The following ATP2B1 variants were observed in gnomAD, a reference collection of about 807,000 sequenced individuals.
ATP2B1 encodes ATPase plasma membrane Ca2+ transporting 1.
A neutral mutation model predicts 124.2 loss-of-function variants in ATP2B1; 14 were observed. The observed-to-expected ratio is 0.11, with a 90% CI of 0.07 to 0.18. The LOEUF is 0.18. ATP2B1 is among the 10% of genes least tolerant of loss of function. ATP2B1 has a pLI of 1.00. For synonymous variants in ATP2B1, 449 were observed against 492.4 expected (o/e 0.91, Z 1.17); for missense variants, 763 against 1,466.1 (o/e 0.52, Z 7.83).
intron 1 of ATP2B1, among the ~76,000 whole-genome samples, chr12:89,671,697 G>A (rs1246405559): frequency 1.3e-5 from 2 of 151,468 alleles, no homozygotes; most frequent in Non-Finnish European, 2.9e-5. Context: ...TAATTATAAC[G>A]TGGTTTCCCA....
In ATP2B1 at chr12:89,685,898, G is replaced by A. The variant is rs149890573; in HGVS notation, c.-222+22698C>T. On this transcript the variant is annotated intron_variant, in intron 1 of 20. Transcript: ENST00000428670. ...AGGCCATATGAGGACACAGCAAGAAGAAGGCCATCAGCAAGCCAAGGAGAG... is the reference window on the plus strand; with the variant it reads ...AGGCCATATGAGGACACAGCAAGAAAAAGGCCATCAGCAAGCCAAGGAGAG... Among the ~76,000 whole-genome samples, 636 of 152,178 alleles carry A rather than the reference G, an allele frequency of 4.2e-3. 5 individuals are homozygous for A. Among genetic ancestry groups the A allele is most frequent in the Admixed American group, 9.1e-3 (139 of 15,246 alleles).
At chr12:89,592,848 T>C (rs1352942695) in intron 20 of ATP2B1, among the ~76,000 whole-genome samples, 5 of 152,052 alleles carry the variant, frequency 3.3e-5, no homozygotes, top group African/African-American at 4.8e-5. Context: ...TTGGGGATCT[T>C]GTTAAAATGC....
At chr12:89,702,543 T>TA (rs1465303860) in intron 1 of ATP2B1, among the ~76,000 whole-genome samples, 1 of 152,168 alleles carries the variant, frequency 6.6e-6, no homozygotes, top group Non-Finnish European at 1.5e-5. Context: ...ACATTGTTAA[T>TA]AAAAAAGTAT....
chr12:89,593,352 T>C (rs182829047), intron 20 of ATP2B1: 2 of 152,068 alleles, frequency 1.3e-5, no homozygotes, highest in African/African-American at 4.8e-5. Flanking sequence ...AATTAGAGGA[T>C]CAGCCAGCAA....
intron 9 of ATP2B1, among the ~76,000 whole-genome samples, chr12:89,623,083 T>C (rs1880274246): frequency 1.3e-5 from 2 of 152,166 alleles, no homozygotes; most frequent in African/African-American, 2.4e-5. Context: ...TACTTTATTT[T>C]TGAAATGAAA....
intron 19 of ATP2B1, 52 bp from the exon 20 acceptor site, chr12:89,599,351 G>T: frequency 6.4e-7 from 1 of 1,572,522 alleles, no homozygotes; most frequent in South Asian, 1.2e-5. Flanking sequence ...GTAAAGGTAA[G>T]CTGATCAACT....
At chr12:89,661,733 ATTGTGTGTTTTTTTCT>A (rs1886716095) in intron 1 of ATP2B1, among the ~76,000 whole-genome samples, 1 of 152,196 alleles carries the variant, frequency 6.6e-6, no homozygotes, top group Admixed American at 6.5e-5. Flanking sequence ...CTCCATTTTC[ATTGTGTGTTTTTTTCT>A]TTGTGTGTGT....
At chr12:89,645,605 C>G (rs1884323705) in intron 2 of ATP2B1, among the ~76,000 whole-genome samples, 1 of 152,190 alleles carries the variant, frequency 6.6e-6, no homozygotes, top group African/African-American at 2.4e-5. Flanking sequence ...GGTGAGAAGA[C>G]TTTCGAGCAG....
chr12:89,621,800 A>G lies in ATP2B1; in HGVS notation c.1345-9T>C, dbSNP rs777413128. On this transcript the variant is annotated splice_polypyrimidine_tract_variant and intron_variant, in intron 9 of 20. Coordinates refer to ENST00000428670, the MANE Select transcript of ATP2B1 (RefSeq NM_001366521.1). ...TTATCTTTCATCATTTTCTACAGTG[A>G]CCAAAAAAAAAAAACTAGTTAAGCT... is the stretch of plus-strand genomic sequence containing the variant. 1 of 1,354,476 alleles carries G rather than the reference A, an allele frequency of 7.4e-7. No individual in the cohort carries two copies. The highest frequency in any genetic ancestry group is 9.5e-7 in the Non-Finnish European group (1 of 1,057,870). 83.9% of individuals were successfully genotyped at this position (1,354,476 alleles called of 1,614,324 possible). A position where few individuals can be genotyped will look rare whatever the true frequency, so the allele number is the denominator to read the frequency against.
chr12:89,635,242 T>C lies in ATP2B1; in HGVS notation c.416A>G (p.Glu139Gly), dbSNP rs1426531664. ...ACCTTCTTCCTCCCCAACAGAAACT[T>C]CTCCACAAACTATTTGGAAAGAAAG... The part of the protein sequence containing the change: ...PPEGDNALCG[E>G]VSVGEEEGEG... Residue 139 changes from glutamate to glycine, a missense_variant, in exon 4 of 21, where the codon GAA becomes GGA. Transcript: ENST00000428670. 8 of 1,611,540 alleles carry C rather than the reference T, an allele frequency of 5.0e-6. No homozygotes were observed. The highest frequency in any genetic ancestry group is 6.8e-6 in the Non-Finnish European group (8 of 1,179,326).
At chr12:89,695,749 GTATTC>G (rs1565925923) in intron 1 of ATP2B1, among the ~76,000 whole-genome samples, 1 of 152,102 alleles carries the variant, frequency 6.6e-6, no homozygotes, top group African/African-American at 2.4e-5. Context: ...CTGCTTCTTA[GTATTC>G]TATTCTATTT....
intron 3 of ATP2B1, among the ~76,000 whole-genome samples, chr12:89,639,330 C>A (rs958583200): frequency 9.2e-5 from 14 of 151,962 alleles, no homozygotes; most frequent in Non-Finnish European, 1.8e-4. Context: ...ATGGTGAAAC[C>A]CCGTGTCTAC....
Position 89,617,027 on chromosome 12 carries a change from G to T in ATP2B1, c.1842C>A (p.Ile614=). 1 of 1,613,054 alleles carries T rather than the reference G, an allele frequency of 6.2e-7. No individual in the cohort carries two copies. The highest frequency in any genetic ancestry group is 8.5e-7 in the Non-Finnish European group (1 of 1,179,168). The part of the protein sequence containing the change: ...SEIILKKCFK[I]LSANGEAKVF... Reference sequence around the variant, plus strand: ...CTTTTGCCTCACCATTAGCACTCAAGATTTTGAAACACCTAAAAGGAAATG... The same window carrying T: ...CTTTTGCCTCACCATTAGCACTCAATATTTTGAAACACCTAAAAGGAAATG... The change falls in exon 12 of 21, where the codon ATC becomes ATA. Residue 614 remains isoleucine (I), a synonymous_variant. Transcript: ENST00000428670.
intron 20 of ATP2B1, among the ~76,000 whole-genome samples, chr12:89,591,836 A>G (rs769144254): frequency 3.3e-5 from 5 of 152,056 alleles, no homozygotes; most frequent in Admixed American, 6.6e-5. Flanking sequence ...AACAAAAATA[A>G]GAACAAAACC....
intron 1 of ATP2B1, among the ~76,000 whole-genome samples, chr12:89,694,330 T>C (rs757090902): frequency 6.6e-6 from 1 of 152,216 alleles, no homozygotes; most frequent in Admixed American, 6.5e-5. Flanking sequence ...CTATAATCTA[T>C]GACTTTTAAT....
chr12:89,647,449 T>A (rs1884636147), intron 2 of ATP2B1, among the ~76,000 whole-genome samples: 1 of 152,160 alleles, frequency 6.6e-6, no homozygotes, highest in Non-Finnish European at 1.5e-5. Flanking sequence ...GACCTTAATA[T>A]TTTACAAGAA....
chr12:89,638,885 A>C (rs1883095302), intron 3 of ATP2B1, among the ~76,000 whole-genome samples: 1 of 152,156 alleles, frequency 6.6e-6, no homozygotes, highest in South Asian at 2.1e-4. Flanking sequence ...TTCCATTTTT[A>C]TTTAGAATAT....
At chr12:89,666,612 A>G (rs1592918345) in intron 1 of ATP2B1, among the ~76,000 whole-genome samples, 1 of 152,092 alleles carries the variant, frequency 6.6e-6, no homozygotes, top group Non-Finnish European at 1.5e-5. Flanking sequence ...CTTGCTCTTT[A>G]TCCTCCTACC....
intron 18 of ATP2B1, among the ~76,000 whole-genome samples, chr12:89,602,254 A>G (rs1875992845): frequency 6.6e-6 from 1 of 152,212 alleles, no homozygotes; most frequent in Non-Finnish European, 1.5e-5. Context: ...CAACATAGCA[A>G]GACCCTGTCT....
Sources: gnomAD v4.1 joint callset for allele counts (sites outside exome capture counted in the v4.1 genomes callset) on GRCh38, gnomAD v4.1.1 for gene constraint, MANE v1.5 for transcripts, NCBI Gene and HGNC (gene_info 2026-07-23, HGNC 2026-07-21) for gene names.